CDH12: variants seen among roughly 807,000 people sequenced by gnomAD.
CDH12 encodes cadherin 12.
A neutral mutation model predicts 74.1 loss-of-function variants in CDH12; 41 were observed. The ratio of observed to expected loss-of-function variants is 0.55; its 90% confidence interval spans 0.43 to 0.72. The LOEUF (loss-of-function observed/expected upper bound fraction) is 0.72, where lower values mean the gene tolerates loss of function less well. Among genes scored for constraint, CDH12 ranks in the 30% least tolerant of loss-of-function variants. The pLI is 0.00. For missense variants in CDH12, 945 were observed against 977.2 expected (o/e 0.97, Z 0.44); for synonymous variants, 399 against 355.0 (o/e 1.12, Z -1.39).
At chr5:22,732,797 A>G (rs1744498138) in intron 1 of CDH12, among the ~76,000 whole-genome samples, 1 of 151,750 alleles carries the variant, frequency 6.6e-6, no homozygotes, top group Non-Finnish European at 1.5e-5. Flanking sequence ...CTCAAAAGGA[A>G]TCAACCCTGC....
intron 2 of CDH12, among the ~76,000 whole-genome samples, chr5:22,444,011 A>G (rs1331820385): frequency 6.6e-6 from 1 of 152,134 alleles, no homozygotes; most frequent in East Asian, 1.9e-4. Context: ...AAGAGCAACA[A>G]TAGGATTGAG....
At chr5:22,207,600 T>C (rs1751289060) in intron 4 of CDH12, among the ~76,000 whole-genome samples, 1 of 152,200 alleles carries the variant, frequency 6.6e-6, no homozygotes, top group South Asian at 2.1e-4. Context: ...TTCCTTTCAA[T>C]GTACGTAAGA....
intron 3 of CDH12, among the ~76,000 whole-genome samples, chr5:22,333,495 T>A (rs1467731381): frequency 6.6e-6 from 1 of 151,534 alleles, no homozygotes; most frequent in Non-Finnish European, 1.5e-5. Flanking sequence ...TTTAAAAAAG[T>A]CTCCCAGAAA....
chr5:22,608,238 G>A (rs150908166), intron 1 of CDH12, among the ~76,000 whole-genome samples: 5 of 152,364 alleles, frequency 3.3e-5, no homozygotes, highest in African/African-American at 7.2e-5. Flanking sequence ...GCCCAAGGCT[G>A]TGGGAGCACA....
At chr5:22,194,339 T>G (rs907582915) in intron 4 of CDH12, among the ~76,000 whole-genome samples, 2 of 151,306 alleles carry the variant, frequency 1.3e-5, no homozygotes, top group African/African-American at 4.9e-5. Context: ...TTTTTTTTGT[T>G]TTTTGTTTTT....
chr5:22,193,778 CTG>C (rs1750441791), intron 4 of CDH12, among the ~76,000 whole-genome samples: 1 of 151,844 alleles, frequency 6.6e-6, no homozygotes, highest in Admixed American at 6.6e-5. Context: ...TCAGACTCCA[CTG>C]TACTCTTTCA....
intron 9 of CDH12, among the ~76,000 whole-genome samples, chr5:21,808,207 A>G (rs942666566): frequency 6.6e-6 from 1 of 151,856 alleles, no homozygotes; most frequent in Non-Finnish European, 1.5e-5. Flanking sequence ...GTTACAAAAG[A>G]CTCCAAGGCT....
At chr5:22,524,263 A>G (rs989439769) in intron 1 of CDH12, among the ~76,000 whole-genome samples, 9 of 152,204 alleles carry the variant, frequency 5.9e-5, no homozygotes, top group Non-Finnish European at 1.3e-4. Context: ...CTGGGATTAT[A>G]GGTGTGAGAC....
Position 21,755,621 on chromosome 5 carries a change from C to T in CDH12, c.1855G>A (p.Ala619Thr). 1 of 1,613,906 alleles carries T rather than the reference C, an allele frequency of 6.2e-7. No homozygotes were observed. Residue 619 changes from alanine to threonine, a missense_variant, in exon 14 of 15, where the codon GCA becomes ACA. Transcript: ENST00000382254. ...AGTATAACAATGCATAGTAGAATTG[C>T]AATCAACGCCCCAGTGCTAAGTCCT... ...PVGLSTGALI[A>T]ILLCIVILLA...
At chr5:22,087,667 A>C (rs1458833791) in intron 4 of CDH12, among the ~76,000 whole-genome samples, 1 of 152,132 alleles carries the variant, frequency 6.6e-6, no homozygotes, top group Non-Finnish European at 1.5e-5. Context: ...GAATGGGAAA[A>C]AAATAATTTG....
At chr5:22,473,984 C>A (rs1746068712) in intron 2 of CDH12, among the ~76,000 whole-genome samples, 1 of 152,040 alleles carries the variant, frequency 6.6e-6, no homozygotes, top group South Asian at 2.1e-4. Context: ...GTGATACAAC[C>A]ATTAAATGAT....
At chr5:22,780,397 C>A in intron 1 of CDH12, among the ~76,000 whole-genome samples, 1 of 151,970 alleles carries the variant, frequency 6.6e-6, no homozygotes. Context: ...GGGTAATTTA[C>A]AAAGAAAAGA....
At chr5:22,043,542 T>C (rs1739717907) in intron 5 of CDH12, among the ~76,000 whole-genome samples, 1 of 152,098 alleles carries the variant, frequency 6.6e-6, no homozygotes, top group Non-Finnish European at 1.5e-5. Flanking sequence ...AAGACAGAGA[T>C]GCCCACCTTC....
intron 1 of CDH12, among the ~76,000 whole-genome samples, chr5:22,629,285 G>A (rs548128478): frequency 6.6e-6 from 1 of 151,908 alleles, no homozygotes; most frequent in African/African-American, 2.4e-5. Flanking sequence ...AAACCTGACA[G>A]AGACACACAC....
intron 1 of CDH12, among the ~76,000 whole-genome samples, chr5:22,714,641 C>T (rs1248860331): frequency 6.6e-6 from 1 of 152,150 alleles, no homozygotes; most frequent in African/African-American, 2.4e-5. Context: ...TCATATGACC[C>T]TGCCCTAATA....
Position 22,479,731 on chromosome 5 carries a change from T to A in CDH12, c.-428+25539A>T, listed in dbSNP as rs538901190. 5.9e-5 allele frequency among the ~76,000 whole-genome samples: 9 copies of A among 152,360 alleles called. 1 individual carries two copies. The highest frequency in any genetic ancestry group is 2.6e-4 in the Admixed American group (4 of 15,306). On this transcript the variant is annotated intron_variant, in intron 2 of 14. Coordinates refer to ENST00000382254, the MANE Select transcript of CDH12 (RefSeq NM_004061.5). ...CAAAGTCACATTTCAATAAAAGTTA[T>A]AATAGTTCATTAAAATGTGTCAAAG...
At chr5:22,492,833 C>G (rs1204376211) in intron 2 of CDH12, among the ~76,000 whole-genome samples, 1 of 152,070 alleles carries the variant, frequency 6.6e-6, no homozygotes, top group African/African-American at 2.4e-5. Context: ...CTCCTGAGGT[C>G]ACCAATTATT....
At chr5:22,417,336 T>A (rs1743441048) in intron 2 of CDH12, among the ~76,000 whole-genome samples, 2 of 152,200 alleles carry the variant, frequency 1.3e-5, no homozygotes, top group Non-Finnish European at 2.9e-5. Flanking sequence ...ATGAGGGTCG[T>A]GCCTTTCTGA....
chr5:22,757,501 A>G (rs990190469), intron 1 of CDH12, among the ~76,000 whole-genome samples: 1 of 152,174 alleles, frequency 6.6e-6, no homozygotes, highest in African/African-American at 2.4e-5. Flanking sequence ...TGGGATTATC[A>G]GCTCATTTTA....
Sources: allele counts gnomAD v4.1 joint callset (sites outside exome capture counted in the v4.1 genomes callset), GRCh38; gene constraint gnomAD v4.1.1; transcripts MANE v1.5; gene names NCBI Gene and HGNC (gene_info 2026-07-23, HGNC 2026-07-21).